GNB1: variants seen among roughly 807,000 people sequenced by gnomAD.
GNB1 encodes the protein guanine nucleotide-binding protein G(I)/G(S)/G(T) subunit beta-1.
In GNB1, 2 loss-of-function variants were observed where a neutral mutation model predicts 42.9. The observed-to-expected ratio is 0.05, with a 90% CI of 0.02 to 0.15. The LOEUF is 0.15. Ranked by LOEUF, GNB1 falls within the 10% of genes least tolerant of loss-of-function variation. The pLI, the probability that GNB1 is intolerant of heterozygous loss-of-function variation, is 1.00. For synonymous variants in GNB1, 183 were observed against 174.7 expected (o/e 1.05, Z -0.38); for missense variants, 193 against 462.2 (o/e 0.42, Z 5.34).
intron 6 of GNB1, among the ~76,000 whole-genome samples, chr1:1,805,459 C>T (rs1303839557): frequency 1.3e-5 from 2 of 152,074 alleles, no homozygotes; most frequent in African/African-American, 2.4e-5. Flanking sequence ...AATGCTCCGT[C>T]TCAAAAACAC....
chr1:1,873,237 G>A (rs1245855988), intron 1 of GNB1, among the ~76,000 whole-genome samples: 3 of 152,226 alleles, frequency 2.0e-5, no homozygotes, highest in African/African-American at 4.8e-5. Context: ...GCAAGGGAAT[G>A]CAACAGAGGT....
rs1237656747 is a variant in GNB1, at chr1:1,787,728, C to T, written c.917-291G>A. Among the ~76,000 whole-genome samples, 1 of 152,132 alleles carries T rather than the reference C, an allele frequency of 6.6e-6. No homozygotes were observed. Among genetic ancestry groups the T allele is most frequent in the Non-Finnish European group, 1.5e-5 (1 of 68,024 alleles). On this transcript the variant is annotated intron_variant, in intron 10 of 11. Coordinates refer to ENST00000378609, the MANE Select transcript of GNB1 (RefSeq NM_002074.5). This position sits in a 1 kb window ranked among gnomAD's most constrained non-coding sequence, Gnocchi z 4.4. ...AACTTAAAAAAAGAAGCAAAGGCCA[C>T]TATCAAAAAAATCAAAACTATCATC... is the stretch of plus-strand genomic sequence containing the variant.
chr1:1,848,828 G>T (rs934219628), intron 1 of GNB1, among the ~76,000 whole-genome samples: 12 of 152,250 alleles, frequency 7.9e-5, no homozygotes, highest in African/African-American at 2.9e-4. Flanking sequence ...TTCACTCTTT[G>T]TAACACAACT....
intron 7 of GNB1, among the ~76,000 whole-genome samples, chr1:1,799,393 G>C (rs895071853): frequency 3.3e-5 from 5 of 152,100 alleles, no homozygotes; most frequent in African/African-American, 9.7e-5. Context: ...TGGTTTCAAA[G>C]ACAAATACAG....
chr1:1,813,781 G>A (rs1220107421), intron 5 of GNB1, among the ~76,000 whole-genome samples: 2 of 152,200 alleles, frequency 1.3e-5, no homozygotes, highest in Non-Finnish European at 2.9e-5. Flanking sequence ...ATGAGCCAAT[G>A]TGCCTGGTTA....
At chr1:1,809,830 T>C (rs1275124550) in intron 5 of GNB1, among the ~76,000 whole-genome samples, 1 of 152,114 alleles carries the variant, frequency 6.6e-6, no homozygotes, top group Non-Finnish European at 1.5e-5. Flanking sequence ...AAATCAATTA[T>C]CTGAGGTGCC....
chr1:1,802,169 T>C (rs1343836790), intron 7 of GNB1, among the ~76,000 whole-genome samples: 1 of 152,140 alleles, frequency 6.6e-6, no homozygotes, highest in Non-Finnish European at 1.5e-5. Flanking sequence ...TATTTGAACA[T>C]GCCAAAAATC....
At chr1:1,815,351 G>A (rs1008268619) in intron 5 of GNB1, among the ~76,000 whole-genome samples, 4 of 152,160 alleles carry the variant, frequency 2.6e-5, no homozygotes, top group African/African-American at 9.7e-5. Flanking sequence ...GTGATTTCCT[G>A]AGCCAGGGCA....
chr1:1,791,889 C>A (rs1034962358), intron 8 of GNB1, among the ~76,000 whole-genome samples: 27 of 152,206 alleles, frequency 1.8e-4, no homozygotes, highest in African/African-American at 6.5e-4. Context: ...GGTGACAAAT[C>A]TTTTGTAAAT....
chr1:1,887,631 G>C (rs968196015), intron 1 of GNB1, among the ~76,000 whole-genome samples: 10 of 152,282 alleles, frequency 6.6e-5, no homozygotes, highest in African/African-American at 2.4e-4. Context: ...GATTTACAGA[G>C]GTTTTTACTC....
At chr1:1,860,498 G>A (rs528614950) in intron 1 of GNB1, among the ~76,000 whole-genome samples, 4 of 152,072 alleles carry the variant, frequency 2.6e-5, no homozygotes, top group South Asian at 2.1e-4. Context: ...TTAGCCAGTC[G>A]TGGTGGTGGG....
intron 1 of GNB1, among the ~76,000 whole-genome samples, chr1:1,856,134 AT>A (rs1260797583): frequency 1.3e-5 from 2 of 151,888 alleles, no homozygotes; most frequent in Non-Finnish European, 2.9e-5. Context: ...GTATCCTCCC[AT>A]CTCAGTCTCC....
intron 2 of GNB1, among the ~76,000 whole-genome samples, chr1:1,833,545 C>T (rs1647104839): frequency 6.6e-6 from 1 of 152,274 alleles, no homozygotes; most frequent in Admixed American, 6.5e-5. Flanking sequence ...ACAACAGGCA[C>T]TGTAGAGCCT....
chr1:1,830,834 G>A (rs1413350213), intron 2 of GNB1, among the ~76,000 whole-genome samples: 2 of 151,838 alleles, frequency 1.3e-5, no homozygotes, highest in Admixed American at 1.3e-4. Context: ...TCTATTGCAT[G>A]AGCCACCACA....
chr1:1,790,247 C>T lies in GNB1; in HGVS notation c.699+148G>A, dbSNP rs545856676. ...TGGTCAACACAGAGAAGTTTCCCAT[C>T]GGGAGTTTTCTGTATCCCCATCTGT... On this transcript the variant is annotated intron_variant, in intron 9 of 11. Transcript: ENST00000378609. This position sits in a 1 kb window ranked among gnomAD's most constrained non-coding sequence, Gnocchi z 5.4. The T allele has an allele frequency of 7.3e-5, 46 of 625,916 alleles. No individual in the cohort carries two copies. Among genetic ancestry groups the T allele is most frequent in the African/African-American group, 6.8e-4 (37 of 54,658 alleles). 38.8% of individuals were successfully genotyped at this position (625,916 alleles called of 1,614,324 possible).
intron 1 of GNB1, among the ~76,000 whole-genome samples, chr1:1,865,565 A>C (rs931702256): frequency 6.6e-5 from 10 of 151,934 alleles, no homozygotes; most frequent in African/African-American, 2.4e-5. Context: ...CAACCTGGGC[A>C]ACAGAGTGAG....
chr1:1,792,572 C>T (rs1201455273), intron 8 of GNB1, among the ~76,000 whole-genome samples: 4 of 151,506 alleles, frequency 2.6e-5, no homozygotes, highest in African/African-American at 4.9e-5. Context: ...TGGCGCACAC[C>T]TGTAGTTCCC....
intron 1 of GNB1, among the ~76,000 whole-genome samples, chr1:1,864,314 C>CAAAAAAAAAAAAAAAAA (rs1173466617): frequency 1.6e-4 from 6 of 37,926 alleles, no homozygotes; most frequent in Non-Finnish European, 2.0e-4. Context: ...AAGACTCTCT[C>CAAAAAAAAAAAAAAAAA]AAAAAAAAAA....
intron 1 of GNB1, among the ~76,000 whole-genome samples, chr1:1,877,054 A>G (rs1251785555): frequency 3.9e-5 from 6 of 152,036 alleles, no homozygotes; most frequent in African/African-American, 1.4e-4. Context: ...TAATCTCAGC[A>G]CTTTGGGAGG....
Sources: allele counts gnomAD v4.1 joint callset (sites outside exome capture counted in the v4.1 genomes callset), GRCh38; gene constraint gnomAD v4.1.1; non-coding constraint Gnocchi (gnomAD v3.1); transcripts MANE v1.5; gene names NCBI Gene and HGNC (gene_info 2026-07-23, HGNC 2026-07-21).